Variants in SRRM3 observed in about 807,000 individuals in gnomAD.
SRRM3 encodes serine/arginine repetitive matrix protein 3.
A neutral mutation model predicts 66.2 loss-of-function variants in SRRM3; 27 were observed. The ratio of observed to expected loss-of-function variants is 0.41; its 90% CI spans 0.30 to 0.56. The LOEUF (loss-of-function observed/expected upper bound fraction) is 0.56. Among genes scored for constraint, SRRM3 ranks in the 20% least tolerant of loss-of-function variants. The pLI is 0.32. For missense variants in SRRM3, 918 were observed against 991.9 expected (o/e 0.93, Z 1.00); for synonymous variants, 391 against 414.9 (o/e 0.94, Z 0.70).
At chr7:76,245,261 A>C (rs2117020321) in intron 2 of SRRM3, among the ~76,000 whole-genome samples, 1 of 152,306 alleles carries the variant, frequency 6.6e-6, no homozygotes, top group East Asian at 1.9e-4. Context: ...ATATTTGTTG[A>C]AGGAGCAGAG....
chr7:76,282,692 C>G lies in SRRM3; in HGVS notation c.1415C>G (p.Pro472Arg), dbSNP rs782574675. The G allele has an allele frequency of 2.8e-6, 4 of 1,421,052 alleles. No homozygotes were observed. The East Asian group carries it at 9.2e-5, about 33-fold the overall frequency. 88.0% of individuals were successfully genotyped at this position (1,421,052 alleles called of 1,614,324 possible). A position where few individuals can be genotyped will look rare whatever the true frequency, so the allele number is the denominator to read the frequency against. The change falls in exon 13 of 15, where the codon CCG (proline) becomes CGG (arginine). Residue 472 changes from proline to arginine, a missense_variant. Pro to Arg is a moderately radical substitution (Grantham distance 103). Coordinates refer to ENST00000611745, the MANE Select transcript of SRRM3 (RefSeq NM_001110199.3). ...PPRARPASTS[P>R]SPGAHGRRGG... ...CGCGCGCGGCCCGCCAGCACCTCTC[C>G]GTCCCCGGGCGCGCACGGCCGGCGC... is the stretch of plus-strand genomic sequence containing the variant.
intron 1 of SRRM3, among the ~76,000 whole-genome samples, chr7:76,217,805 C>T (rs1264236104): frequency 1.3e-5 from 2 of 152,180 alleles, no homozygotes; most frequent in Non-Finnish European, 1.5e-5. Context: ...CATTTTCTCC[C>T]AGCAGAATAT....
intron 1 of SRRM3, among the ~76,000 whole-genome samples, chr7:76,222,752 G>A (rs1800758501): frequency 6.6e-6 from 1 of 151,982 alleles, no homozygotes. Flanking sequence ...CTCCCAAGTA[G>A]CTGGGATTAC....
At chr7:76,208,577 G>A (rs1554601366) in intron 1 of SRRM3, among the ~76,000 whole-genome samples, 1 of 152,098 alleles carries the variant, frequency 6.6e-6, no homozygotes, top group East Asian at 1.9e-4. Flanking sequence ...GCTCACGCCT[G>A]TAATCCCAGC....
chr7:76,217,804 C>T (rs1800607716), intron 1 of SRRM3, among the ~76,000 whole-genome samples: 1 of 152,142 alleles, frequency 6.6e-6, no homozygotes, highest in African/African-American at 2.4e-5. Context: ...GCATTTTCTC[C>T]CAGCAGAATA....
chr7:76,248,777 G>A lies in SRRM3; in HGVS notation c.335+488G>A, dbSNP rs563793632. Among the ~76,000 whole-genome samples, 19 of 152,238 alleles carry A rather than the reference G, an allele frequency of 1.2e-4. No individual in the cohort carries two copies. The East Asian group carries it at 2.9e-3, about 23-fold the overall frequency. On this transcript the variant is annotated intron_variant, in intron 3 of 14. Coordinates refer to ENST00000611745, the MANE Select transcript of SRRM3 (RefSeq NM_001110199.3). ...GCAGATCGCTTGAGGTCAGGAGTTC[G>A]AGACCAGCCTTGGCCAACACGTCGA...
At chr7:76,232,118 C>A (rs1236398387) in intron 1 of SRRM3, among the ~76,000 whole-genome samples, 1 of 152,156 alleles carries the variant, frequency 6.6e-6, no homozygotes, top group African/African-American at 2.4e-5. Flanking sequence ...CTTTGTTCAG[C>A]CCCGGGCGCA....
At chr7:76,213,965 G>A (rs891053031) in intron 1 of SRRM3, among the ~76,000 whole-genome samples, 4 of 151,660 alleles carry the variant, frequency 2.6e-5, no homozygotes, top group Admixed American at 1.3e-4. Context: ...TAGTAGAGAT[G>A]GGGGGGTCTC....
intron 11 of SRRM3, among the ~76,000 whole-genome samples, chr7:76,277,981 A>G (rs1237886210): frequency 1.3e-5 from 2 of 152,130 alleles, no homozygotes; most frequent in African/African-American, 2.4e-5. Context: ...TTCACTTTGC[A>G]CTCTTTGACG....
At chr7:76,241,286 A>T (rs1801289492) in intron 2 of SRRM3, among the ~76,000 whole-genome samples, 1 of 152,112 alleles carries the variant, frequency 6.6e-6, no homozygotes, top group Non-Finnish European at 1.5e-5. Context: ...CCACCTCCAC[A>T]GGGAGCAAGT....
Position 76,213,767 on chromosome 7 carries a change from TTTTG to T in SRRM3, c.-40+11716_-40+11719del, listed in dbSNP as rs1199417684. ...AGGCTCCTCTCTGGGTTTTTGGTTT[TTTTG>T]TTTGTTTGTTTGTTTTTTAACAGGA... On this transcript the variant is annotated intron_variant, in intron 1 of 14. Transcript: ENST00000611745. Among the ~76,000 whole-genome samples the T allele has an allele frequency of 3.3e-5, 5 of 151,922 alleles. No homozygotes were observed. In the East Asian group the frequency reaches 7.8e-4, roughly 24 times the overall value.
chr7:76,271,050 C>T (rs1802198207), intron 11 of SRRM3, among the ~76,000 whole-genome samples: 1 of 152,068 alleles, frequency 6.6e-6, no homozygotes, highest in Admixed American at 6.6e-5. Context: ...CCTTTGTTGG[C>T]CCATCCCAGG....
At chr7:76,243,470 T>G (rs1454318408) in intron 2 of SRRM3, among the ~76,000 whole-genome samples, 1 of 152,120 alleles carries the variant, frequency 6.6e-6, no homozygotes, top group Non-Finnish European at 1.5e-5. Context: ...GTTGGTTCAA[T>G]CCAGCAGCCC....
At chr7:76,211,920 G>C (rs1800443477) in intron 1 of SRRM3, among the ~76,000 whole-genome samples, 1 of 150,054 alleles carries the variant, frequency 6.7e-6, no homozygotes, top group Non-Finnish European at 1.5e-5. Context: ...GCTCACTGCA[G>C]CTTCCACCTT....
chr7:76,240,870 A>G (rs1554605540), intron 2 of SRRM3, among the ~76,000 whole-genome samples: 1 of 151,484 alleles, frequency 6.6e-6, no homozygotes, highest in African/African-American at 2.4e-5. Context: ...TTCCCCACCC[A>G]CACACAAGCC....
chr7:76,248,413 A>C, intron 3 of SRRM3, 124 bp downstream of exon 3: 2 of 666,524 alleles, frequency 3.0e-6, no homozygotes, highest in Non-Finnish European at 5.3e-6. Context: ...GTGGAGAGGA[A>C]GAAGATAAGG....
At chr7:76,235,416 T>G in intron 2 of SRRM3, 117 bp downstream of exon 2, 2 of 899,648 alleles carry the variant, frequency 2.2e-6, no homozygotes, top group East Asian at 5.7e-5. Flanking sequence ...AGGGCGGGGC[T>G]AGGGGCTATT....
Position 76,235,179 on chromosome 7 carries a change from A to G in SRRM3, c.113A>G (p.Glu38Gly). Residue 38 changes from glutamate to glycine, a missense_variant, in exon 2 of 15, where the codon GAG (glutamate) becomes GGG (glycine). By Grantham distance (98) the Glu-to-Gly change is moderately conservative. Transcript: ENST00000611745. The part of the protein sequence containing the change: ...SSGTWPRAEE[E>G]LRAAEPGLVK... The stretch of plus-strand genomic sequence containing the variant: ...GGGACCTGGCCGCGGGCGGAAGAGG[A>G]GCTGCGCGCCGCGGAGCCGGGCCTG... 5.2e-6 allele frequency: 8 copies of G among 1,550,282 alleles called. No homozygotes were observed. The highest frequency in any genetic ancestry group is 6.9e-6 in the Non-Finnish European group (8 of 1,156,168).
At chr7:76,222,664 C>A (rs1800756615) in intron 1 of SRRM3, among the ~76,000 whole-genome samples, 1 of 151,940 alleles carries the variant, frequency 6.6e-6, no homozygotes, top group African/African-American at 2.4e-5. Context: ...CTCTGTCTCT[C>A]AGGCTGGAGT....
Sources: allele counts gnomAD v4.1 joint callset (sites outside exome capture counted in the v4.1 genomes callset), GRCh38; gene constraint gnomAD v4.1.1; transcripts MANE v1.5; gene names NCBI Gene and HGNC (gene_info 2026-07-23, HGNC 2026-07-21).